Variants in ATM observed in about 807,000 individuals in gnomAD.
ATM encodes serine-protein kinase ATM.
In ATM, 308 loss-of-function variants were observed where a neutral mutation model predicts 387.0. That is an observed-to-expected ratio of 0.80 (90% CI 0.73 to 0.87). The LOEUF is 0.87. Among genes scored for constraint, ATM ranks in the 40% least tolerant of loss-of-function variants. ATM has a pLI of 0.00. For missense variants in ATM, 3,312 were observed against 3,560.9 expected (o/e 0.93, Z 1.78); for synonymous variants, 1,156 against 1,187.3 (o/e 0.97, Z 0.54).
At chr11:108,237,398 T>G (rs1652350803) in intron 5 of ATM, among the ~76,000 whole-genome samples, 1 of 152,236 alleles carries the variant, frequency 6.6e-6, no homozygotes, top group Non-Finnish European at 1.5e-5. Flanking sequence ...CCTAGTCTGC[T>G]TACTATATTC....
intron 17 of ATM, among the ~76,000 whole-genome samples, 197 bp downstream of exon 17, chr11:108,267,539 A>G (rs2081326999): frequency 6.6e-6 from 1 of 151,294 alleles, no homozygotes; most frequent in Non-Finnish European, 1.5e-5. Flanking sequence ...TATTCTTCAT[A>G]GAAGGAACTT....
intron 5 of ATM, 101 bp from the exon 6 acceptor site, chr11:108,243,851 CT>C: frequency 8.9e-7 from 1 of 1,124,056 alleles, no homozygotes; most frequent in Admixed American, 2.8e-5. Context: ...TTTTAAAATC[CT>C]TTTTCTGTAT....
intron 33 of ATM, chr11:108,299,383 C>T (rs1020397001): frequency 2.2e-4 from 61 of 271,858 alleles, no homozygotes; most frequent in African/African-American, 1.1e-3. Context: ...CTGCAGCCTC[C>T]GCCTCCTGGG....
chr11:108,276,663 A>T (rs1037704726), intron 22 of ATM, among the ~76,000 whole-genome samples: 3 of 152,076 alleles, frequency 2.0e-5, no homozygotes, highest in Non-Finnish European at 4.4e-5. Flanking sequence ...TCCACTCCAG[A>T]CCCTGTTTGC....
intron 39 of ATM, among the ~76,000 whole-genome samples, chr11:108,311,550 C>A (rs1486788844): frequency 1.3e-5 from 2 of 151,910 alleles, no homozygotes; most frequent in Admixed American, 1.3e-4. Flanking sequence ...AAAAATAAAT[C>A]AGCTGGGCAT....
intron 57 of ATM, among the ~76,000 whole-genome samples, chr11:108,344,225 G>C (rs1016605016): frequency 6.6e-6 from 1 of 152,172 alleles, no homozygotes; most frequent in South Asian, 2.1e-4. Context: ...TATGGAGGAG[G>C]AAGTGCTTAG....
chr11:108,232,524 CTCCTTT>C (rs2079061459), intron 4 of ATM, among the ~76,000 whole-genome samples: 1 of 119,968 alleles, frequency 8.3e-6, no homozygotes, highest in Admixed American at 9.4e-5. Context: ...GTTGATTTCT[CTCCTTT>C]TTTTTTTTTT....
At chr11:108,349,870 C>T (rs1461529911) in intron 59 of ATM, among the ~76,000 whole-genome samples, 1 of 152,112 alleles carries the variant, frequency 6.6e-6, no homozygotes, top group Non-Finnish European at 1.5e-5. Context: ...AGTCTGATAG[C>T]ATTGGCTTTA....
chr11:108,330,907 A>T (rs2086175178), intron 50 of ATM, among the ~76,000 whole-genome samples: 2 of 152,202 alleles, frequency 1.3e-5, no homozygotes, highest in Admixed American at 1.3e-4. Flanking sequence ...TTTCTTTGAA[A>T]ACCTTAGATT....
rs77899973 is a variant in ATM at position 108,314,406 on chromosome 11, C to A, written c.6007-1417C>A. 1.2e-3 allele frequency among the ~76,000 whole-genome samples: 178 copies of A among 152,100 alleles called. 1 individual carries two copies. The highest frequency in any genetic ancestry group is 0.011 in the East Asian group (59 of 5,182). On this transcript the variant is annotated intron_variant, in intron 40 of 62. Coordinates refer to ENST00000675843, the MANE Select transcript of ATM (RefSeq NM_000051.4). ...AAGATGTGAGCCACTGCACCCAGCC[C>A]ATGTACAGTTTTAGGTGTTGACAAG...
rs1057517120 is a variant in ATM, at chr11:108,317,522, G to A, written c.6347+1G>A. The A allele has an allele frequency of 6.3e-7, 1 of 1,593,860 alleles. No individual in the cohort carries two copies. Among genetic ancestry groups the A allele is most frequent in the East Asian group, 2.3e-5 (1 of 43,940 alleles). ...AGTGGGACCATTGCACTTCCGTCAG[G>A]TAAGAAATTTGACTTGATTTTTTTT... is the stretch of plus-strand genomic sequence containing the variant. On this transcript the variant is annotated splice_donor_variant, in intron 43 of 62. Transcript: ENST00000675843. LOFTEE classifies it high-confidence loss of function.
At position 108,365,383 on chromosome 11, in the gene ATM, A is replaced by G. The variant is rs2091242377; in HGVS notation, c.9046A>G (p.Lys3016Glu). The G allele has an allele frequency of 6.2e-7, 1 of 1,614,060 alleles. No homozygotes were observed. The highest frequency in any genetic ancestry group is 1.1e-5 in the South Asian group (1 of 91,086). ...AERVLMRLQE[K>E]LKGVEEGTVL... ...ACGTGTCTTAATGAGACTACAAGAG[A>G]AACTGAAAGGAGTGGAAGAAGGCAC... The change falls in exon 63 of 63, where the codon AAA becomes GAA. Residue 3016 changes from lysine to glutamate, a missense_variant. Transcript: ENST00000675843.
chr11:108,288,754 ATTAT>A (rs1160853985), intron 27 of ATM, among the ~76,000 whole-genome samples: 1 of 152,096 alleles, frequency 6.6e-6, no homozygotes, highest in East Asian at 1.9e-4. Flanking sequence ...ATCATTTAAG[ATTAT>A]TTAAGTTACT....
chr11:108,276,534 T>G (rs1258879347), intron 22 of ATM, among the ~76,000 whole-genome samples: 1 of 152,146 alleles, frequency 6.6e-6, no homozygotes, highest in Admixed American at 6.5e-5. Context: ...GTGACTTTTG[T>G]ATGGGGTTTC....
At chr11:108,255,427 T>C (rs2080412269) in intron 13 of ATM, among the ~76,000 whole-genome samples, 1 of 147,168 alleles carries the variant, frequency 6.8e-6, no homozygotes, top group African/African-American at 2.5e-5. Flanking sequence ...CTAAACTTTT[T>C]TTTTTTTTTT....
intron 49 of ATM, 194 bp downstream of exon 49, chr11:108,329,432 G>T: frequency 1.7e-6 from 1 of 583,950 alleles, no homozygotes; most frequent in South Asian, 2.1e-5. Context: ...TTTGAGACAA[G>T]GTCTCACTCT....
rs1422476659 is a variant in ATM, at chr11:108,227,600, G to A, written c.-25G>A. On this transcript the variant is annotated 5_prime_UTR_variant, in exon 2 of 63. Transcript: ENST00000675843. Reference sequence around the variant, plus strand: ...TATATGTATTTTTTTTACAGACAGTGATGTGTGTTCTGAAATTGTGAACCA... The same window carrying A: ...TATATGTATTTTTTTTACAGACAGTAATGTGTGTTCTGAAATTGTGAACCA... The A allele has an allele frequency of 6.2e-7, 1 of 1,603,516 alleles. No homozygotes were observed. Among genetic ancestry groups the A allele is most frequent in the Non-Finnish European group, 8.5e-7 (1 of 1,170,824 alleles).
chr11:108,238,973 T>A (rs887777622), intron 5 of ATM, among the ~76,000 whole-genome samples: 1 of 152,132 alleles, frequency 6.6e-6, no homozygotes, highest in Non-Finnish European at 1.5e-5. Context: ...CCCTCCCCTA[T>A]CCCCTGGCAG....
rs913758404 is a variant in ATM at position 108,223,086 on chromosome 11, G to A, written c.-131G>A. 1.1e-5 allele frequency: 2 copies of A among 181,390 alleles called. No homozygotes were observed. The highest frequency in any genetic ancestry group is 9.4e-5 in the South Asian group (1 of 10,666). 11.2% of individuals were successfully genotyped at this position (181,390 alleles called of 1,614,324 possible). A position where few individuals can be genotyped will look rare whatever the true frequency, so the allele number is the denominator to read the frequency against. ...GGGAGTAGGTAGCTGCGTGGCTAAC[G>A]GAGAAAAGAAGCCGTGGCCGCGGGA... On this transcript the variant is annotated 5_prime_UTR_variant, in exon 1 of 63. Coordinates refer to ENST00000675843, the MANE Select transcript of ATM (RefSeq NM_000051.4).
Sources: allele counts gnomAD v4.1 joint callset (sites outside exome capture counted in the v4.1 genomes callset), GRCh38; gene constraint gnomAD v4.1.1; transcripts MANE v1.5; gene names NCBI Gene and HGNC (gene_info 2026-07-23, HGNC 2026-07-21).